Variants in CPQ observed in about 807,000 individuals in gnomAD.
CPQ encodes carboxypeptidase Q, also known as Ser-Met dipeptidase.
In CPQ, 37 loss-of-function variants were observed where a neutral mutation model predicts 45.7. That is an observed-to-expected ratio of 0.81 (90% CI 0.62 to 1.07). CPQ has a LOEUF of 1.07. Among genes scored for constraint, CPQ ranks in the 50% least tolerant of loss-of-function variants. CPQ has a pLI of 0.00. For missense variants in CPQ, 537 were observed against 572.9 expected, an observed-to-expected ratio of 0.94 and a Z score of 0.64; for synonymous variants, 186 against 205.8, an observed-to-expected ratio of 0.90 and a Z score of 0.82.
At chr8:96,705,732 T>C (rs1011116684) in intron 1 of CPQ, among the ~76,000 whole-genome samples, 6 of 152,100 alleles carry the variant, frequency 3.9e-5, no homozygotes, top group African/African-American at 1.4e-4. Context: ...CTGTTTCCCA[T>C]TTCCTCTAAC....
At chr8:96,867,594 C>T (rs775288237) in intron 3 of CPQ, among the ~76,000 whole-genome samples, 1 of 151,898 alleles carries the variant, frequency 6.6e-6, no homozygotes, top group Non-Finnish European at 1.5e-5. Context: ...AAAAACATAA[C>T]ATTCATCCAT....
intron 2 of CPQ, among the ~76,000 whole-genome samples, chr8:96,804,875 A>G (rs1326047790): frequency 1.3e-5 from 2 of 151,790 alleles, no homozygotes; most frequent in Non-Finnish European, 2.9e-5. Flanking sequence ...TACATTTTCT[A>G]TACTTAATTT....
chr8:96,888,492 T>C (rs1333055720), intron 4 of CPQ, among the ~76,000 whole-genome samples: 1 of 152,190 alleles, frequency 6.6e-6, no homozygotes, highest in Non-Finnish European at 1.5e-5. Context: ...TACTGTTAAA[T>C]AGCAACAAGA....
intron 2 of CPQ, among the ~76,000 whole-genome samples, chr8:96,822,028 T>G (rs1811314176): frequency 6.6e-6 from 1 of 152,006 alleles, no homozygotes; most frequent in Non-Finnish European, 1.5e-5. Context: ...AACTGAAAAT[T>G]TGTGTCCTTT....
At chr8:96,930,344 A>C (rs1586456357) in intron 4 of CPQ, among the ~76,000 whole-genome samples, 1 of 152,324 alleles carries the variant, frequency 6.6e-6, no homozygotes, top group East Asian at 1.9e-4. Flanking sequence ...TGAAAAGTTA[A>C]TCCAAAGAGT....
At chr8:97,065,625 A>G (rs1810623151) in intron 6 of CPQ, among the ~76,000 whole-genome samples, 1 of 152,252 alleles carries the variant, frequency 6.6e-6, no homozygotes, top group Non-Finnish European at 1.5e-5. Flanking sequence ...TTGTCTGAGC[A>G]TGGCTAATAC....
At chr8:96,790,010 T>C (rs1227090815) in intron 2 of CPQ, among the ~76,000 whole-genome samples, 12 of 152,118 alleles carry the variant, frequency 7.9e-5, no homozygotes. Context: ...GTTCTTTCTG[T>C]TAAAGCTATG....
intron 6 of CPQ, chr8:97,055,393 T>G (rs1810436848): frequency 6.6e-6 from 1 of 152,360 alleles, no homozygotes; most frequent in East Asian, 1.9e-4. Context: ...GCTAACTTTT[T>G]CAGCCTTTTG....
chr8:96,893,940 CT>C (rs1455605976), intron 4 of CPQ, among the ~76,000 whole-genome samples: 1 of 152,086 alleles, frequency 6.6e-6, no homozygotes, highest in Non-Finnish European at 1.5e-5. Flanking sequence ...TGTCTGACTT[CT>C]AGTGAACAGA....
chr8:96,823,203 A>G (rs983306289), intron 2 of CPQ, among the ~76,000 whole-genome samples: 2 of 152,000 alleles, frequency 1.3e-5, no homozygotes, highest in Non-Finnish European at 2.9e-5. Context: ...CTTCCCAGCA[A>G]AATTAAAACT....
At chr8:96,887,322 G>A (rs918036443) in intron 4 of CPQ, among the ~76,000 whole-genome samples, 40 of 152,148 alleles carry the variant, frequency 2.6e-4, no homozygotes, top group Non-Finnish European at 5.9e-5. Context: ...AACATCTTAC[G>A]TAACCATAGT....
chr8:97,022,785 T>A (rs1352066917), intron 5 of CPQ, among the ~76,000 whole-genome samples: 1 of 151,868 alleles, frequency 6.6e-6, no homozygotes, highest in African/African-American at 2.4e-5. Flanking sequence ...CTGGTGGGAA[T>A]GTAAACTAGT....
chr8:97,007,890 G>A (rs1352529641), intron 5 of CPQ, among the ~76,000 whole-genome samples: 2 of 152,206 alleles, frequency 1.3e-5, no homozygotes, highest in Non-Finnish European at 2.9e-5. Flanking sequence ...GCTATAGTCT[G>A]TTAGGAAACA....
chr8:96,982,112 C>T (rs1173476704), intron 5 of CPQ, among the ~76,000 whole-genome samples: 1 of 152,198 alleles, frequency 6.6e-6, no homozygotes, highest in Non-Finnish European at 1.5e-5. Flanking sequence ...TGAATTGAAA[C>T]AGAGCACTTT....
chr8:96,747,122 C>T (rs532086711), intron 1 of CPQ, among the ~76,000 whole-genome samples: 3 of 152,072 alleles, frequency 2.0e-5, no homozygotes, highest in Admixed American at 1.3e-4. Context: ...GAAACGCTGT[C>T]TCTACTAAAA....
intron 4 of CPQ, among the ~76,000 whole-genome samples, chr8:96,927,366 T>C: frequency 6.6e-6 from 1 of 152,190 alleles, no homozygotes; most frequent in East Asian, 1.9e-4. Context: ...AAAATCTTGG[T>C]CCAGCAATGC....
At chr8:96,799,597 A>G (rs973134241) in intron 2 of CPQ, among the ~76,000 whole-genome samples, 12 of 152,344 alleles carry the variant, frequency 7.9e-5, no homozygotes, top group Admixed American at 5.2e-4. Flanking sequence ...AAAGTGTCAG[A>G]GGTTGCAAAT....
chr8:97,061,950 G>A (rs1810558451), intron 6 of CPQ, among the ~76,000 whole-genome samples: 1 of 152,070 alleles, frequency 6.6e-6, no homozygotes, highest in Non-Finnish European at 1.5e-5. Flanking sequence ...TCATTCAGAA[G>A]CCCACACTCT....
chr8:96,744,365 T>C (rs1395833578), intron 1 of CPQ, among the ~76,000 whole-genome samples: 2 of 152,090 alleles, frequency 1.3e-5, no homozygotes, highest in Admixed American at 1.3e-4. Context: ...CACTGACCTG[T>C]GCCCACTGTC....
Sources: allele counts gnomAD v4.1 joint callset (sites outside exome capture counted in the v4.1 genomes callset), GRCh38; gene constraint gnomAD v4.1.1; transcripts MANE v1.5; gene names NCBI Gene and HGNC (gene_info 2026-07-23, HGNC 2026-07-21).